PRDM16: variants seen among roughly 807,000 people sequenced by gnomAD.
PRDM16 encodes the protein histone-lysine N-methyltransferase PRDM16.
PRDM16 carries 23 observed loss-of-function variants against 110.6 expected under a neutral mutation model. The ratio of observed to expected loss-of-function variants is 0.21; its 90% CI spans 0.15 to 0.29. The LOEUF is 0.29. Among genes scored for constraint, PRDM16 ranks in the 10% least tolerant of loss-of-function variants. The pLI is 1.00. For missense variants in PRDM16, 1,615 were observed against 1,794.3 expected, an observed-to-expected ratio of 0.90 and a Z score of 1.81; for synonymous variants, 799 against 781.8, an observed-to-expected ratio of 1.02 and a Z score of -0.37.
chr1:3,114,516 A>G (rs930213481), intron 1 of PRDM16, among the ~76,000 whole-genome samples: 1 of 150,976 alleles, frequency 6.6e-6, no homozygotes, highest in Non-Finnish European at 1.5e-5. Flanking sequence ...GCACACACAC[A>G]TGAACACACG....
At chr1:3,421,277 C>A (rs1416872797) in intron 12 of PRDM16, among the ~76,000 whole-genome samples, 1 of 152,158 alleles carries the variant, frequency 6.6e-6, no homozygotes, top group Non-Finnish European at 1.5e-5. Context: ...TGGCCACCCC[C>A]CCTGACCTGC....
chr1:3,417,821 C>T lies in PRDM16; in HGVS notation c.2692-7C>T. 3 of 1,613,168 alleles carry T rather than the reference C, an allele frequency of 1.9e-6. No individual in the cohort carries two copies. The highest frequency in any genetic ancestry group is 2.5e-6 in the Non-Finnish European group (3 of 1,179,424). On this transcript the variant is annotated splice_region_variant and splice_polypyrimidine_tract_variant and intron_variant, in intron 10 of 16. Transcript: ENST00000270722. ...GAGTCCATAACCTCCCACTCTTATG[C>T]CTACAGATGTCAGCCATAGAGACCA...
At chr1:3,333,859 A>G (rs1889121) in intron 3 of PRDM16, among the ~76,000 whole-genome samples, 87,749 of 151,722 alleles carry the variant, frequency 0.58, 26,776 homozygotes, top group African/African-American at 0.78. Flanking sequence ...CCTCTTGCCC[A>G]CTCTATCACA....
At chr1:3,348,882 C>T (rs958964203) in intron 3 of PRDM16, among the ~76,000 whole-genome samples, 12 of 152,186 alleles carry the variant, frequency 7.9e-5, no homozygotes, top group East Asian at 1.9e-4. Context: ...AATGAGGGAG[C>T]GGCCCATGTC....
intron 3 of PRDM16, among the ~76,000 whole-genome samples, chr1:3,361,298 A>G (rs1229258719): frequency 4.6e-5 from 7 of 152,042 alleles, no homozygotes; most frequent in Admixed American, 4.6e-4. Flanking sequence ...AGGGCTGGAG[A>G]CGGGGTCTCT....
intron 1 of PRDM16, among the ~76,000 whole-genome samples, chr1:3,094,582 C>T (rs1054909713): frequency 2.6e-5 from 4 of 152,202 alleles, no homozygotes; most frequent in East Asian, 1.9e-4. Flanking sequence ...AAAGCTTGGC[C>T]GTCACTTCCA....
intron 3 of PRDM16, among the ~76,000 whole-genome samples, chr1:3,270,795 A>G (rs1362315444): frequency 6.7e-6 from 1 of 148,848 alleles, no homozygotes; most frequent in East Asian, 2.0e-4. Context: ...AGAGGAGGAG[A>G]GTCGGGAGGA....
At chr1:3,362,955 G>A (rs1342455810) in intron 3 of PRDM16, among the ~76,000 whole-genome samples, 1 of 152,208 alleles carries the variant, frequency 6.6e-6, no homozygotes, top group Admixed American at 6.5e-5. Flanking sequence ...GTGGTCTCGG[G>A]ATTTGAAGAC....
intron 3 of PRDM16, among the ~76,000 whole-genome samples, chr1:3,295,905 C>T (rs909068683): frequency 6.6e-6 from 1 of 152,108 alleles, no homozygotes; most frequent in Non-Finnish European, 1.5e-5. Context: ...GGGCGTGACA[C>T]CTCTGCCCCC....
chr1:3,199,138 A>C (rs921684042), intron 2 of PRDM16, among the ~76,000 whole-genome samples: 3 of 152,046 alleles, frequency 2.0e-5, no homozygotes, highest in Non-Finnish European at 4.4e-5. Context: ...GTGGCGGCAG[A>C]GGGGGATTAG....
intron 1 of PRDM16, among the ~76,000 whole-genome samples, chr1:3,136,668 G>A (rs1259070272): frequency 1.3e-5 from 2 of 152,128 alleles, no homozygotes; most frequent in East Asian, 3.9e-4. Context: ...TGTGGACAGA[G>A]GAGTGGGCTT....
intron 1 of PRDM16, among the ~76,000 whole-genome samples, chr1:3,088,650 T>C (rs965281359): frequency 2.6e-5 from 4 of 151,148 alleles, no homozygotes; most frequent in African/African-American, 9.7e-5. Context: ...TATTTTTTAG[T>C]AGAGACAGGG....
chr1:3,147,182 G>A (rs370056491), intron 1 of PRDM16, among the ~76,000 whole-genome samples: 27 of 151,416 alleles, frequency 1.8e-4, no homozygotes, highest in South Asian at 4.2e-4. Flanking sequence ...GTGTGTGCTC[G>A]GTGTGGGTGT....
At chr1:3,203,442 G>A (rs1005087656) in intron 2 of PRDM16, among the ~76,000 whole-genome samples, 125 of 152,374 alleles carry the variant, frequency 8.2e-4, no homozygotes, top group African/African-American at 2.6e-3. Flanking sequence ...TATTAGGGCC[G>A]TAGGGGCGCT....
At chr1:3,125,718 T>C (rs370023151) in intron 1 of PRDM16, among the ~76,000 whole-genome samples, 84 of 152,266 alleles carry the variant, frequency 5.5e-4, no homozygotes, top group African/African-American at 1.9e-3. Context: ...TCACGGCAGG[T>C]TGGGCCATTT....
chr1:3,141,916 A>G (rs1643557582), intron 1 of PRDM16, among the ~76,000 whole-genome samples: 3 of 152,222 alleles, frequency 2.0e-5, no homozygotes, highest in Admixed American at 1.3e-4. Flanking sequence ...TGCCCACGGT[A>G]GGGGATTTTT....
At chr1:3,203,229 G>A (rs192173834) in intron 2 of PRDM16, among the ~76,000 whole-genome samples, 208 of 151,008 alleles carry the variant, frequency 1.4e-3, no homozygotes, top group Non-Finnish European at 2.0e-3. Flanking sequence ...CAGGGCTTTG[G>A]CGGTCATCCT....
rs1024508603 is a variant in PRDM16 at position 3,305,747 on chromosome 1, C to T, written c.438+61610C>T. Among the ~76,000 whole-genome samples, 7 of 152,378 alleles carry T rather than the reference C, an allele frequency of 4.6e-5. No homozygotes were observed. In the East Asian group the frequency reaches 1.2e-3, roughly 25 times the overall value. ...GCGACTTTTGCAAGTTTGGGATCCA[C>T]ATCACATGCATGCCTCATCTCCACA... On this transcript the variant is annotated intron_variant, in intron 3 of 16. Coordinates refer to ENST00000270722, the MANE Select transcript of PRDM16 (RefSeq NM_022114.4).
chr1:3,269,987 C>A (rs1640399998), intron 3 of PRDM16, among the ~76,000 whole-genome samples: 1 of 147,246 alleles, frequency 6.8e-6, no homozygotes, highest in African/African-American at 2.5e-5. Context: ...CAGAGGAGGA[C>A]AGTCAGGGGA....
Sources: gnomAD v4.1 joint callset for allele counts (sites outside exome capture counted in the v4.1 genomes callset) on GRCh38, gnomAD v4.1.1 for gene constraint, MANE v1.5 for transcripts, NCBI Gene and HGNC (gene_info 2026-07-23, HGNC 2026-07-21) for gene names.